The following INPP4B variants were observed in gnomAD, a reference collection of about 807,000 sequenced individuals.
INPP4B encodes inositol polyphosphate-4-phosphatase type II B, also known as inositol polyphosphate 4-phosphatase type II.
INPP4B carries 55 observed loss-of-function variants against 122.5 expected under a neutral mutation model. The ratio of observed to expected loss-of-function variants is 0.45; its 90% confidence interval spans 0.36 to 0.56. The LOEUF is 0.56. Among genes scored for constraint, INPP4B ranks in the 20% least tolerant of loss-of-function variants. INPP4B has a pLI of 0.00. For synonymous variants in INPP4B, 403 were observed against 388.7 expected (o/e 1.04, Z -0.43); for missense variants, 1,000 against 1,097.7 (o/e 0.91, Z 1.26).
At chr4:142,653,511 T>C (rs1231906194) in intron 2 of INPP4B, among the ~76,000 whole-genome samples, 1 of 151,692 alleles carries the variant, frequency 6.6e-6, no homozygotes, top group Non-Finnish European at 1.5e-5. Flanking sequence ...TACAAAGAAC[T>C]CCAACAAATT....
At chr4:142,751,765 C>T (rs925127724) in intron 1 of INPP4B, among the ~76,000 whole-genome samples, 2 of 151,990 alleles carry the variant, frequency 1.3e-5, no homozygotes, top group African/African-American at 2.4e-5. Context: ...GCGATAGACA[C>T]GATTCTATCA....
chr4:142,084,571 A>G (rs1578846342), intron 24 of INPP4B, among the ~76,000 whole-genome samples: 1 of 152,340 alleles, frequency 6.6e-6, no homozygotes, highest in Admixed American at 6.5e-5. Context: ...TTTTAAAAGT[A>G]TCATAAATAG....
intron 2 of INPP4B, among the ~76,000 whole-genome samples, chr4:142,520,939 G>C (rs1344393176): frequency 6.6e-6 from 1 of 151,850 alleles, no homozygotes; most frequent in Non-Finnish European, 1.5e-5. Flanking sequence ...CCTTAGATTT[G>C]CTTTTTAGTG....
intron 7 of INPP4B, among the ~76,000 whole-genome samples, chr4:142,401,448 C>T (rs1030640433): frequency 6.6e-6 from 1 of 152,096 alleles, no homozygotes; most frequent in Non-Finnish European, 1.5e-5. Context: ...AAATTTTTAC[C>T]TTTTTTGTTC....
chr4:142,615,749 C>G (rs1743554952), intron 2 of INPP4B, among the ~76,000 whole-genome samples: 1 of 152,014 alleles, frequency 6.6e-6, no homozygotes, highest in South Asian at 2.1e-4. Context: ...TTCTGAGGTC[C>G]CCTTGGCCAA....
At chr4:142,542,958 T>A (rs1165918062) in intron 2 of INPP4B, among the ~76,000 whole-genome samples, 1 of 152,104 alleles carries the variant, frequency 6.6e-6, no homozygotes, top group Non-Finnish European at 1.5e-5. Flanking sequence ...AAGGTAGATG[T>A]TCAGAGAAAG....
intron 2 of INPP4B, among the ~76,000 whole-genome samples, chr4:142,676,567 A>C (rs1380579443): frequency 6.6e-6 from 1 of 152,192 alleles, no homozygotes; most frequent in Admixed American, 6.6e-5. Flanking sequence ...AGCTGGAGGC[A>C]TCACACTACC....
At chr4:142,277,086 C>T (rs900519070) in intron 9 of INPP4B, among the ~76,000 whole-genome samples, 3 of 151,340 alleles carry the variant, frequency 2.0e-5, no homozygotes, top group African/African-American at 7.3e-5. Context: ...ATTAGTGATG[C>T]TGAGCATTTT....
chr4:142,842,537 T>G (rs1451711405), intron 1 of INPP4B, among the ~76,000 whole-genome samples: 2 of 142,888 alleles, frequency 1.4e-5, no homozygotes, highest in Non-Finnish European at 3.0e-5. Flanking sequence ...TATTATAATA[T>G]ATACAATATC....
At chr4:142,670,859 C>T (rs1382057910) in intron 2 of INPP4B, among the ~76,000 whole-genome samples, 1 of 152,084 alleles carries the variant, frequency 6.6e-6, no homozygotes, top group African/African-American at 2.4e-5. Context: ...TAGTTAGAAT[C>T]AGTCATTCCA....
chr4:142,146,087 AG>A, intron 17 of INPP4B, 91 bp from the exon 18 acceptor site: 2 of 1,415,754 alleles, frequency 1.4e-6, no homozygotes, highest in Non-Finnish European at 9.7e-7. Context: ...AGCATTTGGA[AG>A]GGTAGTCATT....
At chr4:142,457,178 G>C (rs1341953368) in intron 3 of INPP4B, among the ~76,000 whole-genome samples, 1 of 151,776 alleles carries the variant, frequency 6.6e-6, no homozygotes, top group Non-Finnish European at 1.5e-5. Context: ...AAACTATAAA[G>C]CTTATACAGG....
At chr4:142,134,358 C>T (rs1294112526) in intron 18 of INPP4B, among the ~76,000 whole-genome samples, 1 of 152,066 alleles carries the variant, frequency 6.6e-6, no homozygotes, top group Non-Finnish European at 1.5e-5. Context: ...CTCTGAGTCC[C>T]ATGTTACTCT....
At chr4:142,703,829 C>A (rs143301951) in intron 2 of INPP4B, among the ~76,000 whole-genome samples, 1 of 152,292 alleles carries the variant, frequency 6.6e-6, no homozygotes, top group Non-Finnish European at 1.5e-5. Flanking sequence ...AACAAGTGAA[C>A]TAGCAGCACC....
At chr4:142,243,219 C>T (rs570101587) in intron 11 of INPP4B, among the ~76,000 whole-genome samples, 1 of 152,158 alleles carries the variant, frequency 6.6e-6, no homozygotes, top group South Asian at 2.1e-4. Context: ...CACTGTTTTG[C>T]CTATATTGTT....
intron 25 of INPP4B, among the ~76,000 whole-genome samples, chr4:142,041,331 C>T (rs1248272882): frequency 2.6e-5 from 4 of 151,774 alleles, no homozygotes; most frequent in African/African-American, 2.4e-5. Flanking sequence ...ATTTAATATC[C>T]CTTTTGCCAG....
At chr4:142,345,217 G>A (rs971997473) in intron 7 of INPP4B, among the ~76,000 whole-genome samples, 1 of 151,860 alleles carries the variant, frequency 6.6e-6, no homozygotes. Flanking sequence ...TTATTCTTTA[G>A]TAAATAAAAG....
At chr4:142,411,756 G>C (rs1489554137) in intron 5 of INPP4B, among the ~76,000 whole-genome samples, 2 of 152,142 alleles carry the variant, frequency 1.3e-5, no homozygotes, top group African/African-American at 4.8e-5. Context: ...GCTGGGCATG[G>C]TGATGCGCGT....
intron 2 of INPP4B, among the ~76,000 whole-genome samples, chr4:142,656,117 G>T (rs1055750011): frequency 6.6e-6 from 1 of 152,174 alleles, no homozygotes; most frequent in Non-Finnish European, 1.5e-5. Flanking sequence ...ATTTGCAGCA[G>T]GGAGGAGCCT....
Sources: allele counts gnomAD v4.1 joint callset (sites outside exome capture counted in the v4.1 genomes callset), GRCh38; gene constraint gnomAD v4.1.1; transcripts MANE v1.5; gene names NCBI Gene and HGNC (gene_info 2026-07-23, HGNC 2026-07-21).